The following MSRA variants were observed in gnomAD, a reference collection of about 807,000 sequenced individuals.
MSRA encodes mitochondrial peptide methionine sulfoxide reductase.
Under a neutral mutation model 31.3 loss-of-function variants are expected in MSRA, and 54 were observed. The ratio of observed to expected loss-of-function variants is 1.73; its 90% CI spans 1.39 to 2.17. The LOEUF (loss-of-function observed/expected upper bound fraction) is 2.17. Ranked by LOEUF, MSRA falls within the 30% of genes most tolerant of loss-of-function variation. The pLI, the probability that MSRA is intolerant of heterozygous loss-of-function variation, is 0.00. For synonymous variants in MSRA, 169 were observed against 116.5 expected (o/e 1.45, Z -2.90); for missense variants, 507 against 300.9 (o/e 1.69, Z -5.07).
intron 5 of MSRA, among the ~76,000 whole-genome samples, chr8:10,340,747 C>T (rs1011663538): frequency 1.3e-5 from 2 of 152,180 alleles, no homozygotes; most frequent in Non-Finnish European, 2.9e-5. Flanking sequence ...AAGGTATTTA[C>T]CAAGTACCTC....
At chr8:10,064,950 C>A (rs1797386130) in intron 1 of MSRA, among the ~76,000 whole-genome samples, 1 of 152,080 alleles carries the variant, frequency 6.6e-6, no homozygotes, top group Admixed American at 6.5e-5. Flanking sequence ...TTTGAATGCA[C>A]TGTTGTTAGC....
chr8:10,120,230 C>T (rs1052535559), intron 1 of MSRA, among the ~76,000 whole-genome samples: 6 of 152,154 alleles, frequency 3.9e-5, no homozygotes, highest in African/African-American at 7.2e-5. Flanking sequence ...TGATTAGGCA[C>T]CGGCAAGAGT....
chr8:10,107,579 A>G (rs1329018804), intron 1 of MSRA, among the ~76,000 whole-genome samples: 1 of 152,160 alleles, frequency 6.6e-6, no homozygotes, highest in Non-Finnish European at 1.5e-5. Context: ...AGTTTTGTTT[A>G]GCTATTTCTG....
intron 5 of MSRA, among the ~76,000 whole-genome samples, chr8:10,408,378 AT>A (rs1426222355): frequency 6.6e-6 from 1 of 151,892 alleles, no homozygotes; most frequent in Non-Finnish European, 1.5e-5. Flanking sequence ...CTCTACCAAA[AT>A]TTTTTTTAAA....
At chr8:10,072,449 C>T (rs1797781703) in intron 1 of MSRA, among the ~76,000 whole-genome samples, 1 of 151,980 alleles carries the variant, frequency 6.6e-6, no homozygotes, top group Non-Finnish European at 1.5e-5. Flanking sequence ...GTCCTTACTC[C>T]CTCCCGTTGA....
intron 1 of MSRA, among the ~76,000 whole-genome samples, chr8:10,099,205 G>A (rs867384562): frequency 6.6e-6 from 1 of 152,090 alleles, no homozygotes; most frequent in African/African-American, 2.4e-5. Context: ...CATCTTTGAA[G>A]AGGAGATAAA....
chr8:10,342,748 G>C (rs1168273557), intron 5 of MSRA, among the ~76,000 whole-genome samples: 1 of 152,286 alleles, frequency 6.6e-6, no homozygotes, highest in Admixed American at 6.5e-5. Context: ...CACAGCGTGG[G>C]TGCCAAGCTC....
At chr8:10,344,609 C>A (rs977463635) in intron 5 of MSRA, among the ~76,000 whole-genome samples, 4 of 145,218 alleles carry the variant, frequency 2.8e-5, no homozygotes, top group African/African-American at 1.0e-4. Context: ...AAAAAGCCAG[C>A]CATTTCCAAT....
chr8:10,201,500 C>G (rs187346980), intron 1 of MSRA, among the ~76,000 whole-genome samples: 174 of 152,238 alleles, frequency 1.1e-3, no homozygotes, highest in African/African-American at 4.0e-3. Context: ...ACCCTCCTTA[C>G]CCAGAGGATA....
At chr8:10,415,513 G>A (rs551300266) in intron 5 of MSRA, among the ~76,000 whole-genome samples, 1 of 152,042 alleles carries the variant, frequency 6.6e-6, no homozygotes, top group Admixed American at 6.5e-5. Context: ...AAATCAGGGG[G>A]TGTGCAGCTG....
chr8:10,085,332 C>A (rs1798506191), intron 1 of MSRA, among the ~76,000 whole-genome samples: 1 of 152,196 alleles, frequency 6.6e-6, no homozygotes, highest in South Asian at 2.1e-4. Context: ...TAAGGCCTCC[C>A]CAGTGCCTGG....
At chr8:10,091,977 C>T (rs1394268033) in intron 1 of MSRA, among the ~76,000 whole-genome samples, 2 of 152,102 alleles carry the variant, frequency 1.3e-5, no homozygotes, top group Non-Finnish European at 2.9e-5. Flanking sequence ...ATTCATATTC[C>T]TTTCAATGGT....
chr8:10,160,644 C>G (rs1976071), intron 1 of MSRA, among the ~76,000 whole-genome samples: 42,666 of 152,086 alleles, frequency 0.28, 8,064 homozygotes, highest in Non-Finnish European at 0.43. Context: ...GCAATTCTGC[C>G]TCAGCCTCCC....
intron 5 of MSRA, among the ~76,000 whole-genome samples, chr8:10,416,599 C>T (rs919658304): frequency 2.8e-4 from 42 of 152,318 alleles, no homozygotes; most frequent in African/African-American, 9.6e-4. Flanking sequence ...GACTTTCACT[C>T]ACAGCTTACT....
intron 5 of MSRA, among the ~76,000 whole-genome samples, chr8:10,414,951 A>G (rs1235902500): frequency 1.3e-5 from 2 of 152,210 alleles, no homozygotes; most frequent in South Asian, 2.1e-4. Flanking sequence ...ACTGAAAGCC[A>G]TGAAAAGAAA....
intron 3 of MSRA, among the ~76,000 whole-genome samples, chr8:10,269,520 G>A (rs1024892427): frequency 6.6e-6 from 1 of 152,258 alleles, no homozygotes; most frequent in Non-Finnish European, 1.5e-5. Context: ...GAACAACAGG[G>A]AAGTGTTACC....
chr8:10,423,664 T>C (rs1352185365), intron 5 of MSRA, among the ~76,000 whole-genome samples: 1 of 152,228 alleles, frequency 6.6e-6, no homozygotes, highest in Non-Finnish European at 1.5e-5. Context: ...GGCATTCTTC[T>C]GTGCTCCCTG....
At chr8:10,206,694 T>A (rs1809010594) in intron 1 of MSRA, among the ~76,000 whole-genome samples, 1 of 152,218 alleles carries the variant, frequency 6.6e-6, no homozygotes. Context: ...TCCTTCGGAC[T>A]CCAGGAGTGG....
At chr8:10,228,648 C>T (rs1241142583) in intron 2 of MSRA, among the ~76,000 whole-genome samples, 3 of 152,150 alleles carry the variant, frequency 2.0e-5, no homozygotes, top group Non-Finnish European at 2.9e-5. Flanking sequence ...GCAGAAAGGA[C>T]GTCGGCTTTG....
Sources: gnomAD v4.1 joint callset for allele counts (sites outside exome capture counted in the v4.1 genomes callset) on GRCh38, gnomAD v4.1.1 for gene constraint, MANE v1.5 for transcripts, NCBI Gene and HGNC (gene_info 2026-07-23, HGNC 2026-07-21) for gene names.